NRXN3: variants seen among roughly 807,000 people sequenced by gnomAD.
NRXN3 encodes the protein neurexin 3.
Under a neutral mutation model 137.6 loss-of-function variants are expected in NRXN3, and 32 were observed. The ratio of observed to expected loss-of-function variants is 0.23; its 90% CI spans 0.18 to 0.31. The LOEUF (loss-of-function observed/expected upper bound fraction) is 0.31, where lower values mean the gene tolerates loss of function less well. Ranked by LOEUF, NRXN3 falls within the 10% of genes least tolerant of loss-of-function variation. The pLI is 1.00. For missense variants in NRXN3, 1,574 were observed against 2,062.5 expected, an observed-to-expected ratio of 0.76 and a Z score of 4.59; for synonymous variants, 798 against 784.5, an observed-to-expected ratio of 1.02 and a Z score of -0.29.
intron 16 of NRXN3, among the ~76,000 whole-genome samples, chr14:79,551,580 G>C (rs966888465): frequency 6.6e-6 from 1 of 152,002 alleles, no homozygotes; most frequent in South Asian, 2.1e-4. Flanking sequence ...TGTTTTCTTC[G>C]TCAAGAGTTT....
chr14:78,618,096 A>G (rs557907608), intron 4 of NRXN3, among the ~76,000 whole-genome samples: 2 of 152,018 alleles, frequency 1.3e-5, no homozygotes, highest in African/African-American at 4.8e-5. Context: ...CCGAAAAGTT[A>G]TTTGTACTTG....
chr14:78,613,933 C>G (rs893541664), intron 4 of NRXN3, among the ~76,000 whole-genome samples: 1 of 152,160 alleles, frequency 6.6e-6, no homozygotes, highest in Non-Finnish European at 1.5e-5. Flanking sequence ...AGGCACCAAC[C>G]TCTCTTACAA....
chr14:79,414,458 T>A (rs2095467743), intron 15 of NRXN3, among the ~76,000 whole-genome samples: 1 of 152,296 alleles, frequency 6.6e-6, no homozygotes, highest in South Asian at 2.1e-4. Context: ...AATTTCAAAT[T>A]TTGAATTCTG....
At chr14:79,818,147 G>T (rs904370077) in intron 20 of NRXN3, among the ~76,000 whole-genome samples, 2 of 138,980 alleles carry the variant, frequency 1.4e-5, no homozygotes, top group South Asian at 2.5e-4. Context: ...TCCGCCTCCC[G>T]GGTTCACGCC....
At chr14:78,828,299 A>G (rs1567437297) in intron 10 of NRXN3, among the ~76,000 whole-genome samples, 6 of 152,208 alleles carry the variant, frequency 3.9e-5, no homozygotes. Context: ...GCTCTTGCTT[A>G]AATATTCATC....
chr14:79,658,521 G>A (rs1365678630), intron 16 of NRXN3, among the ~76,000 whole-genome samples: 2 of 152,148 alleles, frequency 1.3e-5, no homozygotes, highest in Non-Finnish European at 2.9e-5. Flanking sequence ...CTAAATGCAT[G>A]GCTCAGGAAT....
intron 4 of NRXN3, among the ~76,000 whole-genome samples, chr14:78,320,675 A>G (rs932275057): frequency 2.6e-5 from 4 of 152,308 alleles, no homozygotes; most frequent in East Asian, 1.9e-4. Flanking sequence ...CTGGTGGTCA[A>G]CTGGGAGTTG....
intron 4 of NRXN3, among the ~76,000 whole-genome samples, chr14:78,572,063 C>T (rs1184730017): frequency 6.6e-6 from 1 of 152,190 alleles, no homozygotes; most frequent in Non-Finnish European, 1.5e-5. Flanking sequence ...TATTTACATA[C>T]CTAGCTCCTG....
At chr14:79,181,794 T>C (rs1014694219) in intron 15 of NRXN3, among the ~76,000 whole-genome samples, 17 of 152,010 alleles carry the variant, frequency 1.1e-4, no homozygotes, top group African/African-American at 3.4e-4. Context: ...ATCTCAATCA[T>C]TGATTCCAGC....
chr14:79,622,957 A>G (rs1224471138), intron 16 of NRXN3, among the ~76,000 whole-genome samples: 2 of 152,138 alleles, frequency 1.3e-5, no homozygotes, highest in Non-Finnish European at 2.9e-5. Context: ...CTTTTATGTA[A>G]TAATAGTGAA....
At chr14:79,534,901 C>T (rs1455191623) in intron 16 of NRXN3, among the ~76,000 whole-genome samples, 1 of 152,138 alleles carries the variant, frequency 6.6e-6, no homozygotes, top group African/African-American at 2.4e-5. Context: ...TGCGTCACAC[C>T]ATGAATTTTC....
intron 15 of NRXN3, among the ~76,000 whole-genome samples, chr14:79,265,314 C>A (rs1235511436): frequency 2.0e-5 from 3 of 148,130 alleles, no homozygotes; most frequent in African/African-American, 7.5e-5. Context: ...AAGAAAAGGC[C>A]AAGAGTTTCT....
rs1226005728 is a variant in NRXN3, at chr14:79,189,450, A to G, written c.3262+201309A>G. ...ATACCTAATGCTAAATGGCGAGTTA[A>G]TGGGTGCAGCACACCAGCATGGCAC... On this transcript the variant is annotated intron_variant, in intron 15 of 20. Coordinates refer to ENST00000335750, the MANE Select transcript of NRXN3 (RefSeq NM_001330195.2). Among the ~76,000 whole-genome samples the G allele has an allele frequency of 5.3e-5, 8 of 151,702 alleles. No individual in the cohort carries two copies. The East Asian group carries it at 1.6e-3, about 30-fold the overall frequency.
chr14:79,126,709 C>T (rs1410695453), intron 15 of NRXN3, among the ~76,000 whole-genome samples: 3 of 152,116 alleles, frequency 2.0e-5, no homozygotes, highest in South Asian at 2.1e-4. Flanking sequence ...ATGGCTGGGT[C>T]AAATGGTATT....
chr14:79,298,087 C>T (rs1317689386), intron 15 of NRXN3, among the ~76,000 whole-genome samples: 2 of 151,810 alleles, frequency 1.3e-5, no homozygotes, highest in African/African-American at 4.8e-5. Context: ...TATTTAAGTT[C>T]CTCATTTCTC....
chr14:78,787,461 C>T (rs1201597937), intron 8 of NRXN3, among the ~76,000 whole-genome samples: 8 of 152,196 alleles, frequency 5.3e-5, no homozygotes, highest in Middle Eastern at 3.4e-3. Flanking sequence ...AGCTCAATGA[C>T]GTTGTGTAAT....
intron 15 of NRXN3, among the ~76,000 whole-genome samples, chr14:78,991,765 T>C (rs539425574): frequency 1.3e-5 from 2 of 152,324 alleles, no homozygotes; most frequent in East Asian, 3.9e-4. Context: ...GACCTTTGTG[T>C]TTTTCTTGCC....
intron 15 of NRXN3, among the ~76,000 whole-genome samples, chr14:79,157,809 G>A (rs1445051738): frequency 6.6e-6 from 1 of 151,758 alleles, no homozygotes; most frequent in African/African-American, 2.4e-5. Flanking sequence ...AAATATGAAG[G>A]ATTACTTATA....
At chr14:78,938,696 G>T (rs979935168) in intron 10 of NRXN3, among the ~76,000 whole-genome samples, 2 of 152,022 alleles carry the variant, frequency 1.3e-5, no homozygotes, top group African/African-American at 4.8e-5. Context: ...TCTTTAGTGT[G>T]CCTGGAGCTT....
Sources: gnomAD v4.1 joint callset for allele counts (sites outside exome capture counted in the v4.1 genomes callset) on GRCh38, gnomAD v4.1.1 for gene constraint, MANE v1.5 for transcripts, NCBI Gene and HGNC (gene_info 2026-07-23, HGNC 2026-07-21) for gene names.